Variants in FBXL17 observed in about 807,000 individuals in gnomAD.
FBXL17 encodes the protein F-box and leucine rich repeat protein 17, also known as F-box/LRR-repeat protein 17.
A neutral mutation model predicts 66.2 loss-of-function variants in FBXL17; 22 were observed. That is an observed-to-expected ratio of 0.33 (90% CI 0.24 to 0.47). The LOEUF (loss-of-function observed/expected upper bound fraction) is 0.47, where lower values mean the gene tolerates loss of function less well. Among genes scored for constraint, FBXL17 ranks in the 20% least tolerant of loss-of-function variants. The probability of loss-of-function intolerance (pLI) is 1.00; values close to 1 mark genes in which losing one functional copy is unlikely to be tolerated. For synonymous variants in FBXL17, 474 were observed against 400.5 expected (o/e 1.18, Z -2.19); for missense variants, 878 against 948.2 (o/e 0.93, Z 0.97).
chr5:108,261,491 A>G (rs1469040888), intron 4 of FBXL17, among the ~76,000 whole-genome samples: 1 of 152,122 alleles, frequency 6.6e-6, no homozygotes, highest in Non-Finnish European at 1.5e-5. Flanking sequence ...AGAATATAAT[A>G]TATTTTTTAA....
intron 6 of FBXL17, among the ~76,000 whole-genome samples, chr5:108,089,234 T>C (rs1311478416): frequency 1.3e-5 from 2 of 152,324 alleles, no homozygotes; most frequent in South Asian, 4.1e-4. Flanking sequence ...AGTTAGAATT[T>C]GTGCCCCTTG....
At chr5:107,977,643 T>C (rs1752632435) in intron 7 of FBXL17, among the ~76,000 whole-genome samples, 1 of 152,176 alleles carries the variant, frequency 6.6e-6, no homozygotes, top group Non-Finnish European at 1.5e-5. Flanking sequence ...CTGAAATCTA[T>C]GGACTTTCAA....
At chr5:108,198,148 T>C (rs1267771431) in intron 5 of FBXL17, among the ~76,000 whole-genome samples, 1 of 152,134 alleles carries the variant, frequency 6.6e-6, no homozygotes, top group African/African-American at 2.4e-5. Flanking sequence ...CTATGGCTTC[T>C]CTCTGTAGAA....
chr5:108,239,804 T>C (rs1755773552), intron 4 of FBXL17, among the ~76,000 whole-genome samples: 1 of 151,816 alleles, frequency 6.6e-6, no homozygotes, highest in Admixed American at 6.6e-5. Flanking sequence ...GAGAGACTCC[T>C]TCCTTCCGCT....
intron 7 of FBXL17, among the ~76,000 whole-genome samples, chr5:107,904,020 C>G (rs1324986871): frequency 6.6e-6 from 1 of 152,136 alleles, no homozygotes; most frequent in Non-Finnish European, 1.5e-5. Context: ...TACATTTTGA[C>G]TTTGATATCT....
At chr5:107,942,826 G>C (rs1751157101) in intron 7 of FBXL17, among the ~76,000 whole-genome samples, 1 of 150,836 alleles carries the variant, frequency 6.6e-6, no homozygotes, top group African/African-American at 2.4e-5. Context: ...CTTTACCTAA[G>C]TGGAATTCTC....
intron 7 of FBXL17, among the ~76,000 whole-genome samples, chr5:107,959,119 T>C (rs1181460079): frequency 6.6e-6 from 1 of 152,068 alleles, no homozygotes; most frequent in Non-Finnish European, 1.5e-5. Flanking sequence ...TGATGAGTGC[T>C]TGGGCCATGG....
At position 107,907,701 on chromosome 5, in the gene FBXL17, C is replaced by T. The variant is rs927260941; in HGVS notation, c.1823-26522G>A. On this transcript the variant is annotated intron_variant, in intron 7 of 8. Transcript: ENST00000542267. ...CAAAAAACACATGACAAAATGCTCA[C>T]CATCACTGGCCATCAGAGAAATGCA... Among the ~76,000 whole-genome samples the T allele has an allele frequency of 1.2e-4, 19 of 152,082 alleles. 1 individual carries two copies. Among genetic ancestry groups the T allele is most frequent in the African/African-American group, 4.1e-4 (17 of 41,424 alleles).
chr5:108,151,837 C>T (rs191231612), intron 6 of FBXL17, among the ~76,000 whole-genome samples: 3 of 152,220 alleles, frequency 2.0e-5, no homozygotes, highest in Middle Eastern at 6.8e-3. Context: ...ATAATGAACA[C>T]AATATGCTCC....
At chr5:108,329,703 T>G (rs909032575) in intron 4 of FBXL17, among the ~76,000 whole-genome samples, 1 of 152,160 alleles carries the variant, frequency 6.6e-6, no homozygotes, top group Non-Finnish European at 1.5e-5. Context: ...ATAGCTTCTT[T>G]AACTTTAATC....
intron 3 of FBXL17, among the ~76,000 whole-genome samples, chr5:108,355,696 C>A (rs1049339595): frequency 1.3e-5 from 2 of 151,962 alleles, no homozygotes; most frequent in Non-Finnish European, 1.5e-5. Context: ...TCCAGGATAA[C>A]CACTTTAAAA....
chr5:108,273,486 A>G (rs1757361401), intron 4 of FBXL17, among the ~76,000 whole-genome samples: 1 of 152,120 alleles, frequency 6.6e-6, no homozygotes, highest in Non-Finnish European at 1.5e-5. Context: ...ATTTATTATG[A>G]ATAACTCTTG....
intron 5 of FBXL17, among the ~76,000 whole-genome samples, chr5:108,206,223 C>T (rs1754112118): frequency 6.6e-6 from 1 of 152,016 alleles, no homozygotes; most frequent in African/African-American, 2.4e-5. Context: ...AGAACTTTCC[C>T]TTATGAATTA....
chr5:108,136,115 G>A (rs1038961920), intron 6 of FBXL17, among the ~76,000 whole-genome samples: 1 of 152,038 alleles, frequency 6.6e-6, no homozygotes, highest in Non-Finnish European at 1.5e-5. Flanking sequence ...ATATGAATAT[G>A]TATATAAGTA....
chr5:107,909,348 T>C (rs1365553145), intron 7 of FBXL17, among the ~76,000 whole-genome samples: 8 of 152,180 alleles, frequency 5.3e-5, no homozygotes, highest in Non-Finnish European at 1.0e-4. Context: ...ATGTGAACAG[T>C]GTTTATTGCT....
chr5:108,269,067 A>T (rs1204442374), intron 4 of FBXL17, among the ~76,000 whole-genome samples: 1 of 152,066 alleles, frequency 6.6e-6, no homozygotes, highest in Admixed American at 6.5e-5. Flanking sequence ...AGGAAGATAA[A>T]GGTTGGTTTC....
At chr5:107,883,791 G>C (rs1451985390) in intron 7 of FBXL17, among the ~76,000 whole-genome samples, 2 of 152,126 alleles carry the variant, frequency 1.3e-5, no homozygotes, top group East Asian at 3.9e-4. Flanking sequence ...ACAGAGGCAC[G>C]CTAAGGGGGT....
chr5:107,992,685 T>C (rs1226017279), intron 7 of FBXL17, among the ~76,000 whole-genome samples: 3 of 152,132 alleles, frequency 2.0e-5, no homozygotes, highest in African/African-American at 4.8e-5. Flanking sequence ...AGTAGACAAA[T>C]AGTATAATAA....
chr5:108,250,990 TATC>T (rs1159047208), intron 4 of FBXL17, among the ~76,000 whole-genome samples: 7 of 150,370 alleles, frequency 4.7e-5, no homozygotes, highest in Non-Finnish European at 1.0e-4. Flanking sequence ...TATTGATAGA[TATC>T]TAAGTTATTG....
Sources: allele counts gnomAD v4.1 joint callset (sites outside exome capture counted in the v4.1 genomes callset), GRCh38; gene constraint gnomAD v4.1.1; transcripts MANE v1.5; gene names NCBI Gene and HGNC (gene_info 2026-07-23, HGNC 2026-07-21).